FBXL4: variants seen among roughly 807,000 people sequenced by gnomAD.
FBXL4 encodes the protein F-box/LRR-repeat protein 4.
In FBXL4, 40 loss-of-function variants were observed where a neutral mutation model predicts 58.9. The observed-to-expected ratio is 0.68, with a 90% CI of 0.53 to 0.88. The LOEUF (loss-of-function observed/expected upper bound fraction) is 0.88. FBXL4 is among the 40% of genes least tolerant of loss of function. The probability of loss-of-function intolerance (pLI) is 0.00; values close to 1 mark genes in which losing one functional copy is unlikely to be tolerated. For synonymous variants in FBXL4, 263 were observed against 265.5 expected (o/e 0.99, Z 0.09); for missense variants, 676 against 734.4 (o/e 0.92, Z 0.92).
At chr6:98,904,168 C>T (rs1771713333) in intron 6 of FBXL4, among the ~76,000 whole-genome samples, 1 of 152,162 alleles carries the variant, frequency 6.6e-6, no homozygotes, top group Non-Finnish European at 1.5e-5. Flanking sequence ...ACTTCATTAG[C>T]TTCAGTTCTT....
chr6:98,876,136 C>T (rs1770653978), intron 8 of FBXL4, among the ~76,000 whole-genome samples: 1 of 152,108 alleles, frequency 6.6e-6, no homozygotes. Flanking sequence ...ATATGATCTC[C>T]CTGATGTGTA....
intron 8 of FBXL4, among the ~76,000 whole-genome samples, chr6:98,880,181 T>C (rs1315121144): frequency 6.6e-6 from 1 of 152,154 alleles, no homozygotes; most frequent in Non-Finnish European, 1.5e-5. Context: ...TCTCAGGATT[T>C]AAAAGCTAAA....
In FBXL4 at chr6:98,872,471, T is replaced by C. The variant is rs1014491877; in HGVS notation, c.*1807A>G. The C allele has an allele frequency of 2.6e-5, 4 of 152,224 alleles. No individual in the cohort carries two copies. The highest frequency in any genetic ancestry group is 6.5e-5 in the Admixed American group (1 of 15,278). 9.4% of individuals were successfully genotyped at this position (152,224 alleles called of 1,614,324 possible). On this transcript the variant is annotated 3_prime_UTR_variant, in exon 10 of 10. Transcript: ENST00000369244. ...AATGAGTACTTACAATCAACTTTAA[T>C]GACACGAAACATTAACTTTGATCCT... is the stretch of plus-strand genomic sequence containing the variant.
At chr6:98,926,439 CT>C in intron 4 of FBXL4, 37 bp downstream of exon 4, 1 of 1,530,220 alleles carries the variant, frequency 6.5e-7, no homozygotes, top group Non-Finnish European at 8.8e-7. Context: ...CAAAACCTTT[CT>C]ACCATATAAC....
Position 98,926,846 on chromosome 6 carries a change from T to C in FBXL4, c.143A>G (p.Asn48Ser). ...TTTGGCATACTGGACTACCTCTGCATTGAGAGGGGAAGTCTGGCTGTTTGA... is the reference window on the plus strand; with the variant it reads ...TTTGGCATACTGGACTACCTCTGCACTGAGAGGGGAAGTCTGGCTGTTTGA... ...IESNSQTSPLNAEVVQYAKEV... is the reference protein window; with the variant it reads ...IESNSQTSPLSAEVVQYAKEV... Residue 48 changes from asparagine to serine, a missense_variant, in exon 4 of 10, where the codon AAT becomes AGT. Asn to Ser is a conservative substitution (Grantham distance 46). Coordinates refer to ENST00000369244, the MANE Select transcript of FBXL4 (RefSeq NM_001278716.2). 6.2e-7 allele frequency: 1 copy of C among 1,614,166 alleles called. No homozygotes were observed. Among genetic ancestry groups the C allele is most frequent in the South Asian group, 1.1e-5 (1 of 91,080 alleles).
At chr6:98,916,488 T>TA (rs1772352613) in intron 5 of FBXL4, among the ~76,000 whole-genome samples, 1 of 151,974 alleles carries the variant, frequency 6.6e-6, no homozygotes, top group African/African-American at 2.4e-5. Context: ...TATGCAGCCA[T>TA]AAAAAATGAT....
At chr6:98,899,572 T>C in intron 6 of FBXL4, 91 bp from the exon 7 acceptor site, 1 of 1,363,218 alleles carries the variant, frequency 7.3e-7, no homozygotes, top group Non-Finnish European at 9.9e-7. Context: ...GTAGATACAT[T>C]TGAAAGAATA....
At chr6:98,884,274 G>A (rs1223401728) in intron 7 of FBXL4, among the ~76,000 whole-genome samples, 1 of 151,984 alleles carries the variant, frequency 6.6e-6, no homozygotes, top group Non-Finnish European at 1.5e-5. Flanking sequence ...GCACCGTTTA[G>A]GCACTTGGGA....
At chr6:98,945,314 C>A (rs1229980068) in intron 1 of FBXL4, among the ~76,000 whole-genome samples, 7 of 151,916 alleles carry the variant, frequency 4.6e-5, no homozygotes, top group African/African-American at 1.7e-4. Context: ...AAAAGACTTA[C>A]AAAAAAGACA....
chr6:98,945,670 A>C (rs758552025), intron 1 of FBXL4, among the ~76,000 whole-genome samples: 1 of 152,160 alleles, frequency 6.6e-6, no homozygotes, highest in Non-Finnish European at 1.5e-5. Context: ...GGATATGAGG[A>C]TATCTTCCTC....
intron 8 of FBXL4, among the ~76,000 whole-genome samples, chr6:98,877,960 A>C (rs553443181): frequency 6.6e-6 from 1 of 152,338 alleles, no homozygotes; most frequent in African/African-American, 2.4e-5. Context: ...TAGAATATTC[A>C]GGTTTATTAC....
intron 1 of FBXL4, among the ~76,000 whole-genome samples, chr6:98,947,364 G>C (rs904460423): frequency 6.6e-6 from 1 of 152,216 alleles, no homozygotes; most frequent in African/African-American, 2.4e-5. Context: ...GGCCTGGTTA[G>C]GCAAAAACCA....
rs1457283740 is a variant in FBXL4, at chr6:98,887,649, A to G, written c.1318-7025T>C. ...ATCCTCAGCTTGAAAAGGAATTAAC[A>G]TAGAATAAAAGAGATTTATGTTGAA... On this transcript the variant is annotated intron_variant, in intron 7 of 9. Transcript: ENST00000369244. Among the ~76,000 whole-genome samples the G allele has an allele frequency of 2.0e-5, 3 of 151,312 alleles. No homozygotes were observed. The East Asian group carries it at 6.0e-4, about 30-fold the overall frequency.
chr6:98,901,495 C>T lies in FBXL4; in HGVS notation c.1104-2014G>A, dbSNP rs531813126. On this transcript the variant is annotated intron_variant, in intron 6 of 9. Coordinates refer to ENST00000369244, the MANE Select transcript of FBXL4 (RefSeq NM_001278716.2). Reference sequence around the variant, plus strand: ...TGTTAGGAGACAATAGGAAACTTCCCAACTTGATTTAATGAATGATGGAAT... The same window carrying T: ...TGTTAGGAGACAATAGGAAACTTCCTAACTTGATTTAATGAATGATGGAAT... 7.2e-5 allele frequency among the ~76,000 whole-genome samples: 11 copies of T among 152,140 alleles called. No individual in the cohort carries two copies. The East Asian group carries it at 1.7e-3, about 24-fold the overall frequency.
intron 7 of FBXL4, among the ~76,000 whole-genome samples, chr6:98,887,640 G>C (rs1771084710): frequency 6.6e-6 from 1 of 151,754 alleles, no homozygotes; most frequent in South Asian, 2.1e-4. Flanking sequence ...AGCTTGAAAA[G>C]GAATTAACAT....
chr6:98,947,731 G>T (rs1279459947), intron 1 of FBXL4, 75 bp downstream of exon 1: 3 of 151,248 alleles, frequency 2.0e-5, no homozygotes, highest in African/African-American at 7.3e-5. Context: ...GCGCTGGCTC[G>T]GCCCCGGCCC....
intron 7 of FBXL4, among the ~76,000 whole-genome samples, chr6:98,898,092 G>A (rs1343136328): frequency 6.6e-6 from 1 of 151,990 alleles, no homozygotes; most frequent in African/African-American, 2.4e-5. Context: ...TGATATGAAG[G>A]AAACAAACTA....
chr6:98,875,636 T>C lies in FBXL4; in HGVS notation c.1481A>G (p.Glu494Gly), dbSNP rs1770634493. ...AGAAGCCAGTTCTGCTATTCCATTC[T>C]CAGTAATATTCTTACATCTCCACAG... is the stretch of plus-strand genomic sequence containing the variant. The part of the protein sequence containing the change: ...LDLWRCKNIT[E>G]NGIAELASGC... The change falls in exon 9 of 10, where the codon GAG (glutamate) becomes GGG (glycine). Residue 494 changes from glutamate (E) to glycine (G), a missense_variant. By Grantham distance (98) the Glu-to-Gly change is moderately conservative. Transcript: ENST00000369244. 1 of 1,614,176 alleles carries C rather than the reference T, an allele frequency of 6.2e-7. No homozygotes were observed. The highest frequency in any genetic ancestry group is 2.2e-5 in the East Asian group (1 of 44,882).
intron 2 of FBXL4, among the ~76,000 whole-genome samples, chr6:98,928,332 C>CTT (rs754221659): frequency 6.9e-6 from 1 of 144,412 alleles, no homozygotes. Context: ...ACCAACTTTT[C>CTT]TTTTTTTTTT....
Sources: allele counts gnomAD v4.1 joint callset (sites outside exome capture counted in the v4.1 genomes callset), GRCh38; gene constraint gnomAD v4.1.1; transcripts MANE v1.5; gene names NCBI Gene and HGNC (gene_info 2026-07-23, HGNC 2026-07-21).